BAIAP2L1: variants seen among roughly 807,000 people sequenced by gnomAD.
BAIAP2L1 encodes BAR/IMD domain-containing adapter protein 2-like 1.
BAIAP2L1 carries 35 observed loss-of-function variants against 66.3 expected under a neutral mutation model. The observed-to-expected ratio is 0.53, with a 90% CI of 0.40 to 0.70. The LOEUF is 0.70. Among genes scored for constraint, BAIAP2L1 ranks in the 30% least tolerant of loss-of-function variants. The pLI, the probability that BAIAP2L1 is intolerant of heterozygous loss-of-function variation, is 0.00. For missense variants in BAIAP2L1, 622 were observed against 656.9 expected (o/e 0.95, Z 0.58); for synonymous variants, 269 against 248.7 (o/e 1.08, Z -0.77).
At chr7:98,330,834 CCT>C (rs3062613) in intron 3 of BAIAP2L1, among the ~76,000 whole-genome samples, 37,997 of 151,522 alleles carry the variant, frequency 0.25, 5,005 homozygotes, top group East Asian at 0.45. Flanking sequence ...GGAGGGGTGC[CCT>C]CTCTGTTAAG....
chr7:98,321,070 G>A (rs568466127), intron 3 of BAIAP2L1, among the ~76,000 whole-genome samples: 3 of 152,054 alleles, frequency 2.0e-5, no homozygotes, highest in East Asian at 3.9e-4. Context: ...TGTTGCCCAG[G>A]TTGGTCTCGA....
chr7:98,371,687 C>T (rs1326404059), intron 1 of BAIAP2L1, among the ~76,000 whole-genome samples: 1 of 152,136 alleles, frequency 6.6e-6, no homozygotes, highest in Non-Finnish European at 1.5e-5. Flanking sequence ...TGGAACTATA[C>T]ATAAATTAAC....
intron 9 of BAIAP2L1, chr7:98,309,388 C>G (rs934045828): frequency 6.6e-6 from 1 of 151,524 alleles, no homozygotes; most frequent in Non-Finnish European, 1.5e-5. Context: ...CTCCTGACAT[C>G]GAGATCCACC....
rs1424669963 is a variant in BAIAP2L1 at position 98,379,023 on chromosome 7, G to T, written c.52-16591C>A. Among the ~76,000 whole-genome samples the T allele has an allele frequency of 5.3e-5, 8 of 152,148 alleles. No individual in the cohort carries two copies. In the East Asian group the frequency reaches 1.5e-3, roughly 29 times the overall value. Reference sequence around the variant, plus strand: ...TTTTTGTATTTTTAGTAGAGACTGGGTTTCACCGTGTTAGCCAGGATGGTC... The same window carrying T: ...TTTTTGTATTTTTAGTAGAGACTGGTTTTCACCGTGTTAGCCAGGATGGTC... On this transcript the variant is annotated intron_variant, in intron 1 of 13. Coordinates refer to ENST00000005260, the MANE Select transcript of BAIAP2L1 (RefSeq NM_018842.5).
At chr7:98,375,475 C>T (rs578247301) in intron 1 of BAIAP2L1, among the ~76,000 whole-genome samples, 72 of 151,012 alleles carry the variant, frequency 4.8e-4, no homozygotes, top group Non-Finnish European at 9.0e-4. Context: ...GTTGGCCAGG[C>T]GCAGTGGCTC....
chr7:98,371,009 C>G (rs998880475), intron 1 of BAIAP2L1, among the ~76,000 whole-genome samples: 1 of 152,088 alleles, frequency 6.6e-6, no homozygotes, highest in African/African-American at 2.4e-5. Context: ...GTAGTTGAGG[C>G]AAAGGTCGGT....
intron 1 of BAIAP2L1, among the ~76,000 whole-genome samples, chr7:98,372,861 T>G (rs1306372130): frequency 6.7e-6 from 1 of 149,982 alleles, no homozygotes; most frequent in East Asian, 2.0e-4. Flanking sequence ...TTTTCGTGCC[T>G]AAGGAGTAGG....
intron 1 of BAIAP2L1, among the ~76,000 whole-genome samples, chr7:98,390,076 C>G (rs565132837): frequency 2.0e-5 from 3 of 151,822 alleles, no homozygotes; most frequent in African/African-American, 7.2e-5. Flanking sequence ...CCACCGCACC[C>G]GGCTAATTTT....
intron 3 of BAIAP2L1, among the ~76,000 whole-genome samples, chr7:98,336,246 A>T (rs1801613727): frequency 6.6e-6 from 1 of 152,196 alleles, no homozygotes; most frequent in East Asian, 1.9e-4. Context: ...CCTTGGCATC[A>T]CATGATATAC....
At chr7:98,357,177 G>C (rs1802156263) in intron 2 of BAIAP2L1, among the ~76,000 whole-genome samples, 1 of 148,042 alleles carries the variant, frequency 6.8e-6, no homozygotes, top group Non-Finnish European at 1.5e-5. Flanking sequence ...GTGAGCCACA[G>C]AATTAATTCA....
chr7:98,379,702 C>T (rs1057380529), intron 1 of BAIAP2L1, among the ~76,000 whole-genome samples: 48 of 152,098 alleles, frequency 3.2e-4, no homozygotes, highest in African/African-American at 1.0e-3. Flanking sequence ...ATGAACAAAA[C>T]GTGGTATATC....
intron 1 of BAIAP2L1, among the ~76,000 whole-genome samples, chr7:98,372,745 T>G (rs560766415): frequency 1.4e-5 from 2 of 146,316 alleles, no homozygotes; most frequent in African/African-American, 2.5e-5. Context: ...TTTTTTTTTT[T>G]TTTTTTTTTT....
intron 3 of BAIAP2L1, among the ~76,000 whole-genome samples, chr7:98,322,665 C>T (rs1245965442): frequency 6.6e-6 from 1 of 152,168 alleles, no homozygotes; most frequent in Non-Finnish European, 1.5e-5. Flanking sequence ...CTCCCATCCA[C>T]CCCCAGCACT....
At chr7:98,355,352 G>T in intron 2 of BAIAP2L1, 1 of 545,834 alleles carries the variant, frequency 1.8e-6, no homozygotes, top group Non-Finnish European at 3.3e-6. Flanking sequence ...GACCAGCCCC[G>T]GGGAACCTTC....
intron 3 of BAIAP2L1, among the ~76,000 whole-genome samples, chr7:98,354,489 C>T (rs1019724217): frequency 8.5e-5 from 13 of 152,170 alleles, no homozygotes; most frequent in Non-Finnish European, 1.6e-4. Context: ...TTTCCCTAAC[C>T]CCCGACAGTG....
chr7:98,297,264 G>A (rs1376978561), intron 12 of BAIAP2L1, among the ~76,000 whole-genome samples: 1 of 152,226 alleles, frequency 6.6e-6, no homozygotes, highest in East Asian at 1.9e-4. Flanking sequence ...CTCGATGCCT[G>A]GTCCACACCC....
intron 7 of BAIAP2L1, 78 bp from the exon 8 acceptor site, chr7:98,312,342 G>T (rs189961229): frequency 1.4e-6 from 2 of 1,436,756 alleles, no homozygotes; most frequent in East Asian, 4.7e-5. Flanking sequence ...ACGTCATATC[G>T]CTGATAACAG....
rs372695844 is a variant in BAIAP2L1, at chr7:98,315,625, A to ATAAT, written c.487-14_487-13insATTA. The ATAAT allele has an allele frequency of 0.37, 410,182 of 1,112,614 alleles. 81,653 individuals carry two copies. The highest frequency in any genetic ancestry group is 0.44 in the Middle Eastern group (1,380 of 3,164). The allele number at this position is 1,112,614 out of a possible 1,614,324, so 68.9% of individuals were successfully genotyped here. On this transcript the variant is annotated splice_polypyrimidine_tract_variant and intron_variant, in intron 6 of 13. Transcript: ENST00000005260. ...CGGTCTCCACATACTAAAAAAAAAAAAATAATAATAATAATAATTATATAA... is the reference window on the plus strand; with the variant it reads ...CGGTCTCCACATACTAAAAAAAAAAATAATAATAATAATAATAATAATTATATAA...
In BAIAP2L1 at chr7:98,315,525, G is replaced by C; in HGVS notation, c.574C>G (p.Arg192Gly). 6.6e-7 allele frequency: 1 copy of C among 1,521,646 alleles called. No homozygotes were observed. Among genetic ancestry groups the C allele is most frequent in the Non-Finnish European group, 8.9e-7 (1 of 1,127,602 alleles). The allele number at this position is 1,521,646 out of a possible 1,614,324, so 94.3% of individuals were successfully genotyped here. The change falls in exon 7 of 14, where the codon CGC becomes GGC. Residue 192 changes from arginine to glycine, a missense_variant. Transcript: ENST00000005260. ...TGCTTATCAACCAGAAAGCAGAAGC[G>C]CCTCTTCTCTTCAAGCAGAGCCTCT... ...CKEALLEEKR[R>G]FCFLVDKHCG...
Sources: allele counts gnomAD v4.1 joint callset (sites outside exome capture counted in the v4.1 genomes callset), GRCh38; gene constraint gnomAD v4.1.1; transcripts MANE v1.5; gene names NCBI Gene and HGNC (gene_info 2026-07-23, HGNC 2026-07-21).